The following NRCAM variants were observed in gnomAD, a reference collection of about 807,000 sequenced individuals.
NRCAM encodes neuronal cell adhesion molecule, also known as NgCAM-related cell adhesion molecule.
In NRCAM, 83 loss-of-function variants were observed where a neutral mutation model predicts 156.5. The ratio of observed to expected loss-of-function variants is 0.53; its 90% CI spans 0.44 to 0.64. NRCAM has a LOEUF of 0.64. NRCAM is among the 30% of genes least tolerant of loss of function. The pLI, the probability that NRCAM is intolerant of heterozygous loss-of-function variation, is 0.00. For missense variants in NRCAM, 1,417 were observed against 1,597.3 expected (o/e 0.89, Z 1.92); for synonymous variants, 538 against 563.9 (o/e 0.95, Z 0.65).
At chr7:108,302,973 A>C (rs2098651713) in intron 3 of NRCAM, among the ~76,000 whole-genome samples, 1 of 152,024 alleles carries the variant, frequency 6.6e-6, no homozygotes, top group Admixed American at 6.6e-5. Context: ...ATTTTATTTT[A>C]GTTTTTGAGA....
chr7:108,245,533 TA>T (rs1425624188), intron 3 of NRCAM, among the ~76,000 whole-genome samples: 2 of 152,096 alleles, frequency 1.3e-5, no homozygotes, highest in Non-Finnish European at 2.9e-5. Flanking sequence ...AAGTTAATTT[TA>T]AAAGTAGGCA....
intron 3 of NRCAM, among the ~76,000 whole-genome samples, chr7:108,269,848 C>T (rs1414054744): frequency 1.3e-5 from 2 of 152,172 alleles, no homozygotes; most frequent in African/African-American, 2.4e-5. Flanking sequence ...TAGCTTTTAT[C>T]ACTTTTAGGA....
chr7:108,382,954 A>T (rs2099708206), intron 2 of NRCAM, among the ~76,000 whole-genome samples: 1 of 152,130 alleles, frequency 6.6e-6, no homozygotes, highest in Non-Finnish European at 1.5e-5. Context: ...GAAATCACTA[A>T]CTTTCCCTAA....
intron 2 of NRCAM, among the ~76,000 whole-genome samples, chr7:108,340,799 C>G (rs1269160358): frequency 1.3e-5 from 2 of 152,180 alleles, no homozygotes; most frequent in African/African-American, 4.8e-5. Context: ...TCTCTGTCAC[C>G]TGACTCTATT....
At chr7:108,171,566 CTGGGCTTCAAGGCCCAG>C (rs1472061291) in intron 28 of NRCAM, among the ~76,000 whole-genome samples, 2 of 152,160 alleles carry the variant, frequency 1.3e-5, no homozygotes, top group Non-Finnish European at 2.9e-5. Flanking sequence ...AAAACAAAAA[CTGGGCTTCAAGGCCCAG>C]TTCAATATTA....
chr7:108,330,637 T>C (rs1343418216), intron 2 of NRCAM, among the ~76,000 whole-genome samples: 4 of 152,142 alleles, frequency 2.6e-5, no homozygotes, highest in Non-Finnish European at 4.4e-5. Flanking sequence ...ACGACAAGAA[T>C]GGGTACCGTC....
At chr7:108,263,889 C>G (rs1317175411) in intron 3 of NRCAM, among the ~76,000 whole-genome samples, 3 of 152,226 alleles carry the variant, frequency 2.0e-5, no homozygotes, top group African/African-American at 7.2e-5. Context: ...TGCATTCAGT[C>G]TTTCCATATT....
chr7:108,287,963 A>T (rs1368765814), intron 3 of NRCAM, among the ~76,000 whole-genome samples: 2 of 152,208 alleles, frequency 1.3e-5, no homozygotes, highest in Non-Finnish European at 2.9e-5. Context: ...TTATGGAATC[A>T]ACCTAAGTGT....
intron 1 of NRCAM, among the ~76,000 whole-genome samples, chr7:108,443,851 T>C (rs1841341235): frequency 6.9e-6 from 1 of 144,908 alleles, no homozygotes; most frequent in African/African-American, 2.5e-5. Context: ...ATTATATATG[T>C]ATTCCTTTGG....
chr7:108,322,951 T>G (rs568795618), intron 2 of NRCAM, among the ~76,000 whole-genome samples: 1 of 152,332 alleles, frequency 6.6e-6, no homozygotes, highest in Non-Finnish European at 1.5e-5. Context: ...ACTTCCTCTC[T>G]GTGTACAAAA....
rs147212685 is a variant in NRCAM at position 108,149,748 on chromosome 7, T to A, written c.*162A>T. ...TTGCATTCCAGTTCATATTAACATA[T>A]CATTTGACTGAGTTATGTTTTTGCT... is the stretch of plus-strand genomic sequence containing the variant. On this transcript the variant is annotated 3_prime_UTR_variant, in exon 33 of 33. Transcript: ENST00000379028. The A allele has an allele frequency of 2.2e-5, 14 of 645,216 alleles. No homozygotes were observed. The highest frequency in any genetic ancestry group is 4.3e-4 in the Middle Eastern group (1 of 2,352). 40.0% of individuals were successfully genotyped at this position (645,216 alleles called of 1,614,324 possible).
At chr7:108,199,174 G>C (rs1303823844) in intron 13 of NRCAM, among the ~76,000 whole-genome samples, 1 of 152,008 alleles carries the variant, frequency 6.6e-6, no homozygotes, top group Non-Finnish European at 1.5e-5. Flanking sequence ...TTTTTCCTTG[G>C]TGAAAGGAAA....
chr7:108,155,603 A>G lies in NRCAM; in HGVS notation c.3677+3860T>C, dbSNP rs7799521. Among the ~76,000 whole-genome samples the G allele has an allele frequency of 9.8e-3, 1,489 of 152,074 alleles. 22 individuals carry two copies. The highest frequency in any genetic ancestry group is 0.034 in the African/African-American group (1,394 of 41,500). ...GGTACCTTAGTTATATCTCTTTCAT[A>G]GCACTTTTCACACTCTGGTCATTGT... On this transcript the variant is annotated intron_variant, in intron 32 of 32. Transcript: ENST00000379028.
At chr7:108,221,249 G>A (rs2092156496) in intron 11 of NRCAM, among the ~76,000 whole-genome samples, 1 of 152,182 alleles carries the variant, frequency 6.6e-6, no homozygotes, top group Admixed American at 6.5e-5. Flanking sequence ...CAGTGCTGGT[G>A]GGAATGTAAA....
At chr7:108,360,399 A>G (rs2099541667) in intron 2 of NRCAM, among the ~76,000 whole-genome samples, 1 of 152,256 alleles carries the variant, frequency 6.6e-6, no homozygotes, top group Non-Finnish European at 1.5e-5. Context: ...AAGGAGCAGG[A>G]ATAAATACAA....
chr7:108,347,018 CATATT>C (rs1361348342), intron 2 of NRCAM, among the ~76,000 whole-genome samples: 2 of 141,744 alleles, frequency 1.4e-5, no homozygotes, highest in Non-Finnish European at 3.1e-5. Flanking sequence ...ATATGTGACT[CATATT>C]ATATTTCTGT....
chr7:108,291,942 G>A (rs2098308092), intron 3 of NRCAM, among the ~76,000 whole-genome samples: 1 of 152,122 alleles, frequency 6.6e-6, no homozygotes, highest in Admixed American at 6.6e-5. Flanking sequence ...ATGCCTAAGG[G>A]GGCCAAGCAG....
chr7:108,155,613 A>C (rs912523209), intron 32 of NRCAM, among the ~76,000 whole-genome samples: 19 of 151,942 alleles, frequency 1.3e-4, no homozygotes, highest in African/African-American at 4.1e-4. Flanking sequence ...AGCACTTTTC[A>C]CACTCTGGTC....
intron 3 of NRCAM, among the ~76,000 whole-genome samples, chr7:108,305,835 A>T (rs2098706988): frequency 6.6e-6 from 1 of 152,364 alleles, no homozygotes; most frequent in South Asian, 2.1e-4. Flanking sequence ...TCGTATAATT[A>T]AAAGTTATCT....
Sources: allele counts gnomAD v4.1 joint callset (sites outside exome capture counted in the v4.1 genomes callset), GRCh38; gene constraint gnomAD v4.1.1; transcripts MANE v1.5; gene names NCBI Gene and HGNC (gene_info 2026-07-23, HGNC 2026-07-21).